The following HECW2 variants were observed in gnomAD, a reference collection of about 807,000 sequenced individuals.
HECW2 encodes HECT, C2 and WW domain containing E3 ubiquitin protein ligase 2, also known as E3 ubiquitin-protein ligase HECW2.
Under a neutral mutation model 175.2 loss-of-function variants are expected in HECW2, and 61 were observed. That is an observed-to-expected ratio of 0.35 (90% CI 0.28 to 0.43). The LOEUF (loss-of-function observed/expected upper bound fraction) is 0.43, where lower values mean the gene tolerates loss of function less well. Among genes scored for constraint, HECW2 ranks in the 20% least tolerant of loss-of-function variants. The pLI, the probability that HECW2 is intolerant of heterozygous loss-of-function variation, is 1.00. For missense variants in HECW2, 1,524 were observed against 2,000.5 expected (o/e 0.76, Z 4.54); for synonymous variants, 671 against 731.0 (o/e 0.92, Z 1.32).
At chr2:196,223,389 G>A (rs922586290) in intron 23 of HECW2, among the ~76,000 whole-genome samples, 9 of 152,074 alleles carry the variant, frequency 5.9e-5, no homozygotes, top group African/African-American at 2.2e-4. Context: ...AGAAGATGAT[G>A]CCTACATTAA....
chr2:196,561,861 C>A (rs1389770781), intron 1 of HECW2, among the ~76,000 whole-genome samples: 1 of 152,140 alleles, frequency 6.6e-6, no homozygotes, highest in African/African-American at 2.4e-5. Context: ...AGCCTGATGT[C>A]CTACCCTGCA....
chr2:196,369,003 T>C (rs1693832642), intron 2 of HECW2, among the ~76,000 whole-genome samples: 1 of 152,124 alleles, frequency 6.6e-6, no homozygotes, highest in Admixed American at 6.5e-5. Flanking sequence ...TTTGGTGAGG[T>C]CATGTTTTCC....
Position 196,306,632 on chromosome 2 carries a change from G to C in HECW2, c.2690-20C>G, listed in dbSNP as rs779453819. The C allele has an allele frequency of 6.3e-7, 1 of 1,591,944 alleles. No homozygotes were observed. Among genetic ancestry groups the C allele is most frequent in the South Asian group, 1.1e-5 (1 of 87,596 alleles). On this transcript the variant is annotated intron_variant, in intron 12 of 28. Transcript: ENST00000644978. ...GGAAATCTAGATGGGGCAGACCACAGAGGCGGTCAGGGAAATCTTTCTATG... is the reference window on the plus strand; with the variant it reads ...GGAAATCTAGATGGGGCAGACCACACAGGCGGTCAGGGAAATCTTTCTATG...
intron 21 of HECW2, chr2:196,238,404 A>T (rs1171689923): frequency 6.6e-6 from 1 of 152,046 alleles, no homozygotes; most frequent in Non-Finnish European, 1.5e-5. Flanking sequence ...GGCAAAGGCT[A>T]AAAGAGCTCC....
intron 1 of HECW2, among the ~76,000 whole-genome samples, chr2:196,515,118 G>A (rs1688102427): frequency 6.6e-6 from 1 of 152,216 alleles, no homozygotes; most frequent in South Asian, 2.1e-4. Context: ...GCCTGCAGCA[G>A]AAGCCATGTG....
chr2:196,240,849 G>C (rs930550813), intron 20 of HECW2, among the ~76,000 whole-genome samples: 7 of 148,432 alleles, frequency 4.7e-5, no homozygotes, highest in South Asian at 2.1e-4. Flanking sequence ...GAAAAAAAAT[G>C]ATCATAAAAC....
At chr2:196,284,599 C>T (rs1445492999) in intron 14 of HECW2, among the ~76,000 whole-genome samples, 1 of 152,148 alleles carries the variant, frequency 6.6e-6, no homozygotes, top group Non-Finnish European at 1.5e-5. Flanking sequence ...ATAGATTCTA[C>T]TTTAAAATGA....
At chr2:196,588,504 T>C (rs1431912582) in intron 1 of HECW2, among the ~76,000 whole-genome samples, 2 of 152,218 alleles carry the variant, frequency 1.3e-5, no homozygotes, top group African/African-American at 4.8e-5. Flanking sequence ...TTGGAGAGGC[T>C]AGATCCAAAG....
intron 18 of HECW2, among the ~76,000 whole-genome samples, chr2:196,255,272 G>A (rs144932658): frequency 0.011 from 1,618 of 150,924 alleles, 17 homozygotes; most frequent in African/African-American, 0.037. Context: ...GATTACAGGC[G>A]TGAGCCACTG....
intron 1 of HECW2, among the ~76,000 whole-genome samples, chr2:196,562,614 C>T (rs1329819807): frequency 6.6e-6 from 1 of 152,174 alleles, no homozygotes; most frequent in African/African-American, 2.4e-5. Flanking sequence ...CCAAAATATA[C>T]AAGAAGCAGG....
At chr2:196,335,496 C>A (rs1423603829) in intron 3 of HECW2, among the ~76,000 whole-genome samples, 1 of 152,154 alleles carries the variant, frequency 6.6e-6, no homozygotes, top group African/African-American at 2.4e-5. Context: ...AAATGAGTCA[C>A]CAGGACTATT....
chr2:196,216,051 C>T (rs1011092062), intron 27 of HECW2, 74 bp from the exon 28 acceptor site: 43 of 984,002 alleles, frequency 4.4e-5, no homozygotes, highest in Admixed American at 1.9e-4. Flanking sequence ...ACGTCATTCA[C>T]GGGCAGAGCT....
intron 2 of HECW2, among the ~76,000 whole-genome samples, chr2:196,421,794 A>G (rs1230396201): frequency 2.6e-5 from 4 of 152,178 alleles, no homozygotes; most frequent in Non-Finnish European, 5.9e-5. Flanking sequence ...CAATCTATGG[A>G]GAGAAGAATG....
chr2:196,303,660 A>C (rs1691152949), intron 13 of HECW2, among the ~76,000 whole-genome samples: 2 of 152,124 alleles, frequency 1.3e-5, no homozygotes, highest in Admixed American at 1.3e-4. Context: ...CCAGGAACTT[A>C]TCTATTTCTT....
At chr2:196,512,881 G>A (rs1325867625) in intron 1 of HECW2, among the ~76,000 whole-genome samples, 1 of 151,704 alleles carries the variant, frequency 6.6e-6, no homozygotes, top group Non-Finnish European at 1.5e-5. Context: ...TAGTAGAGAC[G>A]GGGCCTCACC....
chr2:196,448,299 G>A lies in HECW2; in HGVS notation c.-35-14841C>T, dbSNP rs112292567. 7.3e-3 allele frequency among the ~76,000 whole-genome samples: 1,112 copies of A among 152,048 alleles called. 15 individuals are homozygous for A. Among genetic ancestry groups the A allele is most frequent in the African/African-American group, 0.025 (1,045 of 41,450 alleles). Reference sequence around the variant, plus strand: ...TCCTGGTAACTCCTGTCTATCCTCCGCTCCCATCCCTCACTCCCATGTTAT... The same window carrying A: ...TCCTGGTAACTCCTGTCTATCCTCCACTCCCATCCCTCACTCCCATGTTAT... On this transcript the variant is annotated intron_variant, in intron 1 of 28. Coordinates refer to ENST00000644978, the MANE Select transcript of HECW2 (RefSeq NM_001348768.2).
chr2:196,557,184 T>C (rs10207174), intron 1 of HECW2, among the ~76,000 whole-genome samples: 5,345 of 152,176 alleles, frequency 0.035, 310 homozygotes, highest in African/African-American at 0.12. Flanking sequence ...TCACCTGAGG[T>C]CAGGAGTTCG....
intron 28 of HECW2, among the ~76,000 whole-genome samples, chr2:196,208,631 C>A (rs1687152333): frequency 6.6e-6 from 1 of 152,178 alleles, no homozygotes; most frequent in Admixed American, 6.5e-5. Context: ...GAGATCACCT[C>A]TAACCCGAGT....
chr2:196,403,975 G>C (rs906153699), intron 2 of HECW2, among the ~76,000 whole-genome samples: 1 of 152,134 alleles, frequency 6.6e-6, no homozygotes, highest in African/African-American at 2.4e-5. Context: ...GTCACTGTGA[G>C]TGTTTTAGGC....
Sources: gnomAD v4.1 joint callset for allele counts (sites outside exome capture counted in the v4.1 genomes callset) on GRCh38, gnomAD v4.1.1 for gene constraint, MANE v1.5 for transcripts, NCBI Gene and HGNC (gene_info 2026-07-23, HGNC 2026-07-21) for gene names.